Variants in CNTNAP5 observed in about 807,000 individuals in gnomAD.
CNTNAP5 encodes contactin-associated protein-like 5.
A neutral mutation model predicts 150.2 loss-of-function variants in CNTNAP5; 72 were observed. That is an observed-to-expected ratio of 0.48 (90% CI 0.40 to 0.58). The LOEUF (loss-of-function observed/expected upper bound fraction) is 0.58, where lower values mean the gene tolerates loss of function less well. Ranked by LOEUF, CNTNAP5 falls within the 20% of genes least tolerant of loss-of-function variation. CNTNAP5 has a pLI of 0.00. For missense variants in CNTNAP5, 1,636 were observed against 1,626.2 expected (o/e 1.01, Z -0.10); for synonymous variants, 672 against 619.8 (o/e 1.08, Z -1.25).
intron 4 of CNTNAP5, among the ~76,000 whole-genome samples, chr2:124,432,341 T>G (rs1313983559): frequency 4.6e-5 from 7 of 152,178 alleles, no homozygotes; most frequent in Non-Finnish European, 1.0e-4. Context: ...AGTACTGAGA[T>G]GCACCAAACA....
At chr2:124,754,860 T>A (rs1270818471) in intron 14 of CNTNAP5, among the ~76,000 whole-genome samples, 1 of 152,078 alleles carries the variant, frequency 6.6e-6, no homozygotes, top group Admixed American at 6.6e-5. Context: ...GCCTACATTT[T>A]TTTTTTTAGG....
At chr2:124,118,292 T>A (rs944470827) in intron 1 of CNTNAP5, among the ~76,000 whole-genome samples, 2 of 152,132 alleles carry the variant, frequency 1.3e-5, no homozygotes, top group Admixed American at 1.3e-4. Context: ...TTTTGATAAC[T>A]GAAGGACCTG....
chr2:124,741,738 A>G (rs1359714136), intron 13 of CNTNAP5, among the ~76,000 whole-genome samples: 1 of 152,190 alleles, frequency 6.6e-6, no homozygotes, highest in East Asian at 1.9e-4. Flanking sequence ...AAATTCAAGT[A>G]TAGGAGTCTA....
At chr2:124,372,158 G>A (rs1451813861) in intron 3 of CNTNAP5, among the ~76,000 whole-genome samples, 1 of 152,024 alleles carries the variant, frequency 6.6e-6, no homozygotes, top group Non-Finnish European at 1.5e-5. Flanking sequence ...CCAGTGAGAT[G>A]AATTTTCATC....
chr2:124,400,325 A>G (rs1409586832), intron 3 of CNTNAP5, among the ~76,000 whole-genome samples: 1 of 152,134 alleles, frequency 6.6e-6, no homozygotes, highest in Non-Finnish European at 1.5e-5. Context: ...AAATAATGCA[A>G]GACAGAGAGA....
chr2:124,809,380 GTATTTATTTATTTATTTATT>G (rs71387244), intron 19 of CNTNAP5, among the ~76,000 whole-genome samples: 15 of 145,012 alleles, frequency 1.0e-4, no homozygotes, highest in Admixed American at 3.5e-4. Context: ...CAATAATATG[GTATTTATTTATTTATTTATT>G]TATTTATTTA....
chr2:124,387,422 T>C (rs1481861646), intron 3 of CNTNAP5, among the ~76,000 whole-genome samples: 1 of 152,242 alleles, frequency 6.6e-6, no homozygotes, highest in East Asian at 1.9e-4. Flanking sequence ...TAAAGCTGTT[T>C]ATTTCACCTG....
At chr2:124,146,570 A>T (rs1684259004) in intron 1 of CNTNAP5, among the ~76,000 whole-genome samples, 1 of 152,148 alleles carries the variant, frequency 6.6e-6, no homozygotes, top group South Asian at 2.1e-4. Context: ...GAATACTTAA[A>T]TAATTTATAT....
At chr2:124,511,529 T>C (rs1694589258) in intron 8 of CNTNAP5, among the ~76,000 whole-genome samples, 1 of 152,216 alleles carries the variant, frequency 6.6e-6, no homozygotes, top group Admixed American at 6.5e-5. Flanking sequence ...TGAGTAAGTC[T>C]TGTTCCGTTA....
At position 124,389,203 on chromosome 2, in the gene CNTNAP5, A is replaced by G. The variant is rs547852445; in HGVS notation, c.382-28240A>G. 5.3e-4 allele frequency among the ~76,000 whole-genome samples: 80 copies of G among 152,344 alleles called. 5 individuals carry two copies. The South Asian group carries it at 0.014, about 27-fold the overall frequency. ...ATAAGAAGTGCAAATAGAGAGTTTA[A>G]AAAGCTAATAAAGTGTTTTGTTTGA... On this transcript the variant is annotated intron_variant, in intron 3 of 23. Transcript: ENST00000682447.
intron 2 of CNTNAP5, among the ~76,000 whole-genome samples, chr2:124,233,971 A>C (rs1228997720): frequency 6.6e-6 from 1 of 152,092 alleles, no homozygotes; most frequent in Non-Finnish European, 1.5e-5. Flanking sequence ...TCCAAGTTAA[A>C]TGTAATATGC....
chr2:124,708,433 C>T (rs1035159140), intron 13 of CNTNAP5, among the ~76,000 whole-genome samples: 2 of 152,142 alleles, frequency 1.3e-5, no homozygotes, highest in South Asian at 2.1e-4. Context: ...GTCATGATCT[C>T]GCTGTCATCT....
chr2:124,789,559 C>T (rs1006878806), intron 17 of CNTNAP5, among the ~76,000 whole-genome samples: 2 of 152,134 alleles, frequency 1.3e-5, no homozygotes, highest in African/African-American at 2.4e-5. Flanking sequence ...TCTTCCCACC[C>T]GACACCCTCA....
At chr2:124,500,565 G>A (rs1209817058) in intron 7 of CNTNAP5, among the ~76,000 whole-genome samples, 2 of 152,122 alleles carry the variant, frequency 1.3e-5, no homozygotes, top group Non-Finnish European at 2.9e-5. Context: ...TTGGTATACT[G>A]AACTCTGCAG....
intron 12 of CNTNAP5, among the ~76,000 whole-genome samples, chr2:124,617,805 T>G: frequency 6.6e-6 from 1 of 152,040 alleles, no homozygotes; most frequent in East Asian, 1.9e-4. Context: ...AATGACAAGG[T>G]GTGCATAGTG....
At chr2:124,137,366 G>A (rs1469888194) in intron 1 of CNTNAP5, among the ~76,000 whole-genome samples, 3 of 151,760 alleles carry the variant, frequency 2.0e-5, no homozygotes, top group African/African-American at 4.8e-5. Flanking sequence ...TGAAAAAGGA[G>A]GAAATACAAG....
At chr2:124,834,935 A>C (rs560694620) in intron 19 of CNTNAP5, among the ~76,000 whole-genome samples, 1 of 151,798 alleles carries the variant, frequency 6.6e-6, no homozygotes, top group Non-Finnish European at 1.5e-5. Flanking sequence ...TGACCTTGGT[A>C]AAGTCATAAA....
intron 13 of CNTNAP5, among the ~76,000 whole-genome samples, chr2:124,660,043 AAAGGAAGGAAGG>A (rs60444454): frequency 6.3e-4 from 82 of 130,942 alleles, no homozygotes; most frequent in African/African-American, 2.0e-3. Context: ...AGGAAGGAAG[AAAGGAAGGAAGG>A]AAGGAAGGAA....
intron 11 of CNTNAP5, among the ~76,000 whole-genome samples, chr2:124,600,943 C>G (rs778880754): frequency 9.9e-5 from 15 of 152,014 alleles, no homozygotes; most frequent in Admixed American, 2.6e-4. Context: ...ACAAAATCCC[C>G]CAAAGGCACA....
Sources: allele counts gnomAD v4.1 joint callset (sites outside exome capture counted in the v4.1 genomes callset), GRCh38; gene constraint gnomAD v4.1.1; transcripts MANE v1.5; gene names NCBI Gene and HGNC (gene_info 2026-07-23, HGNC 2026-07-21).